The following METTL14 variants were observed in gnomAD, a reference collection of about 807,000 sequenced individuals.
The protein encoded by METTL14 is N(6)-adenosine-methyltransferase non-catalytic subunit METTL14.
METTL14 carries 32 observed loss-of-function variants against 62.4 expected under a neutral mutation model. The observed-to-expected ratio is 0.51, with a 90% CI of 0.39 to 0.69. The LOEUF (loss-of-function observed/expected upper bound fraction) is 0.69. Among genes scored for constraint, METTL14 ranks in the 30% least tolerant of loss-of-function variants. METTL14 has a pLI of 0.00. For synonymous variants in METTL14, 150 were observed against 180.0 expected (o/e 0.83, Z 1.34); for missense variants, 340 against 551.9 (o/e 0.62, Z 3.85).
rs186247158 is a variant in METTL14 at position 118,691,218 on chromosome 4, T to C, written c.244-314T>C. ...GCATAGCAGTTTCATATTGCAACAT[T>C]GGTGGTCGTATCTTTCATGACTCAA... On this transcript the variant is annotated intron_variant, in intron 3 of 10. Transcript: ENST00000388822. Among the ~76,000 whole-genome samples the C allele has an allele frequency of 1.6e-4, 25 of 152,298 alleles. No homozygotes were observed. The East Asian group carries it at 4.6e-3, about 28-fold the overall frequency.
At position 118,694,421 on chromosome 4, in the gene METTL14, A is replaced by G. The variant is rs78863179; in HGVS notation, c.413-15A>G. On this transcript the variant is annotated splice_polypyrimidine_tract_variant and intron_variant, in intron 5 of 10. Coordinates refer to ENST00000388822, the MANE Select transcript of METTL14 (RefSeq NM_020961.4). Reference sequence around the variant, plus strand: ...AGTTGAGATGAATTCAGAATTTACTATTTTTTCTGCTCAGGTTTAGCTGAC... The same window carrying G: ...AGTTGAGATGAATTCAGAATTTACTGTTTTTTCTGCTCAGGTTTAGCTGAC... 48 of 1,598,024 alleles carry G rather than the reference A, an allele frequency of 3.0e-5. No individual in the cohort carries two copies. Among genetic ancestry groups the G allele is most frequent in the Non-Finnish European group, 3.9e-5 (46 of 1,172,752 alleles).
At chr4:118,702,224 G>A (rs1210283760) in intron 8 of METTL14, among the ~76,000 whole-genome samples, 1 of 150,732 alleles carries the variant, frequency 6.6e-6, no homozygotes, top group African/African-American at 2.4e-5. Flanking sequence ...AGTTGAAGCA[G>A]TTCTCCTGCT....
chr4:118,691,878 AATTG>A (rs1724257459), intron 4 of METTL14, 99 bp from the exon 5 acceptor site: 3 of 746,838 alleles, frequency 4.0e-6, no homozygotes, highest in South Asian at 2.0e-5. Context: ...TAAATCTATC[AATTG>A]ATTGCATTTT....
In METTL14 at chr4:118,705,815, C is replaced by A; in HGVS notation, c.1060C>A (p.Arg354=). The A allele has an allele frequency of 6.2e-7, 1 of 1,612,160 alleles. No homozygotes were observed. Among genetic ancestry groups the A allele is most frequent in the South Asian group, 1.1e-5 (1 of 90,910 alleles). The change falls in exon 10 of 11, where the codon CGA becomes AGA. Residue 354 remains arginine (R), a synonymous_variant. Coordinates refer to ENST00000388822, the MANE Select transcript of METTL14 (RefSeq NM_020961.4). ...TCTATTTGGAAGAGATAGTACAATT[C>A]GACCAGGTAGGACCTCAGTTAACAA... ...LHLFGRDSTI[R]PGWLTVGPTL...
chr4:118,698,141 G>A (rs1724473541), intron 7 of METTL14, among the ~76,000 whole-genome samples: 2 of 151,962 alleles, frequency 1.3e-5, no homozygotes, highest in Admixed American at 1.3e-4. Context: ...TTGGAAGCTG[G>A]GCTAGAGTCT....
chr4:118,690,656 G>A (rs1724218136), intron 3 of METTL14, among the ~76,000 whole-genome samples: 1 of 150,580 alleles, frequency 6.6e-6, no homozygotes, highest in Admixed American at 6.6e-5. Context: ...CTCCAGCCTG[G>A]GCAACAGAGT....
chr4:118,689,506 A>G (rs763066057), intron 3 of METTL14, 49 bp downstream of exon 3: 7 of 1,075,616 alleles, frequency 6.5e-6, no homozygotes, highest in East Asian at 2.5e-5. Flanking sequence ...CATAAATCCA[A>G]ATGATAGATT....
chr4:118,710,128 G>A lies in METTL14; in HGVS notation c.1197G>A (p.Ser399=), dbSNP rs773521841. Residue 399 remains serine, a synonymous_variant, in exon 11 of 11, where the codon TCG becomes TCA. Coordinates refer to ENST00000388822, the MANE Select transcript of METTL14 (RefSeq NM_020961.4). ...TEEIERLRPK[S]PPPKSKSDRG... The stretch of plus-strand genomic sequence containing the variant: ...AAATTGAGAGACTTCGACCAAAATC[G>A]CCTCCTCCCAAATCTAAATCTGACC... 161 of 1,613,992 alleles carry A rather than the reference G, an allele frequency of 1.0e-4. 1 individual carries two copies. The highest frequency in any genetic ancestry group is 1.2e-4 in the Non-Finnish European group (146 of 1,180,036).
At chr4:118,691,026 T>A (rs1276185040) in intron 3 of METTL14, among the ~76,000 whole-genome samples, 2 of 152,204 alleles carry the variant, frequency 1.3e-5, no homozygotes, top group African/African-American at 4.8e-5. Context: ...CTCTAGAAAG[T>A]TCAGTGAAAT....
At chr4:118,688,761 C>T (rs1724153493) in intron 2 of METTL14, among the ~76,000 whole-genome samples, 1 of 152,102 alleles carries the variant, frequency 6.6e-6, no homozygotes, top group Non-Finnish European at 1.5e-5. Context: ...GCAACCTCCG[C>T]CTCCAGGGTT....
In METTL14 at chr4:118,685,577, C is replaced by T; in HGVS notation, c.43C>T (p.Arg15Trp). The T allele has an allele frequency of 6.2e-7, 1 of 1,614,048 alleles. No homozygotes were observed. The highest frequency in any genetic ancestry group is 8.5e-7 in the Non-Finnish European group (1 of 1,179,986). ...LQEIRERQKL[R>W]RQLLAQQLGA... ...GGAGATCCGGGAGCGGCAGAAGTTA[C>T]GGCGACAGCTCCTCGCGCAGCAGGT... The change falls in exon 1 of 11, where the codon CGG (arginine) becomes TGG (tryptophan). Residue 15 changes from arginine to tryptophan, a missense_variant. Transcript: ENST00000388822.
At chr4:118,708,959 A>G (rs1724841242) in intron 10 of METTL14, among the ~76,000 whole-genome samples, 1 of 152,238 alleles carries the variant, frequency 6.6e-6, no homozygotes, top group Admixed American at 6.5e-5. Context: ...CAGTTTAATC[A>G]ATCAGAAAAT....
At position 118,703,926 on chromosome 4, in the gene METTL14, T is replaced by G; in HGVS notation, c.739-9T>G. ...TAAGGATTTGTGTTTAAAATTCTTT[T>G]GTTTCTAGTGTTTACGAAAATGGGG... is the stretch of plus-strand genomic sequence containing the variant. On this transcript the variant is annotated splice_polypyrimidine_tract_variant and intron_variant, in intron 8 of 10. Transcript: ENST00000388822. 1 of 1,437,546 alleles carries G rather than the reference T, an allele frequency of 7.0e-7. No homozygotes were observed. The highest frequency in any genetic ancestry group is 9.5e-7 in the Non-Finnish European group (1 of 1,054,250). The allele number at this position is 1,437,546 out of a possible 1,614,324, so 89.0% of individuals were successfully genotyped here. A position where few individuals can be genotyped will look rare whatever the true frequency, so the allele number is the denominator to read the frequency against.
chr4:118,685,686 T>C, intron 1 of METTL14, 86 bp downstream of exon 1: 1 of 1,163,512 alleles, frequency 8.6e-7, no homozygotes. Flanking sequence ...CCTTTTTCTG[T>C]CCCTTCTCTA....
At chr4:118,706,696 A>G (rs899488602) in intron 10 of METTL14, among the ~76,000 whole-genome samples, 1 of 152,132 alleles carries the variant, frequency 6.6e-6, no homozygotes. Context: ...TTACATTTCC[A>G]CCGGCAGTGA....
intron 7 of METTL14, 94 bp downstream of exon 7, chr4:118,697,417 C>A: frequency 9.3e-7 from 1 of 1,079,634 alleles, no homozygotes; most frequent in Non-Finnish European, 1.3e-6. Flanking sequence ...ATCATCCCTA[C>A]TTTTGTAGGG....
intron 9 of METTL14, among the ~76,000 whole-genome samples, chr4:118,705,401 G>T (rs977878876): frequency 3.3e-5 from 5 of 152,172 alleles, no homozygotes; most frequent in African/African-American, 1.2e-4. Flanking sequence ...TTGAGCCCAG[G>T]AGGTCAAGGC....
At chr4:118,691,704 T>C in intron 4 of METTL14, 92 bp downstream of exon 4, 2 of 648,262 alleles carry the variant, frequency 3.1e-6, no homozygotes, top group Non-Finnish European at 5.1e-6. Flanking sequence ...TCAAGATGTT[T>C]TTTAATTATT....
At position 118,697,171 on chromosome 4, in the gene METTL14, TAATCA is replaced by T. The variant is rs781455171; in HGVS notation, c.504-7_504-3del. ...TTTAAAAACCTCATTTTTAATGCTT[TAATCA>T]AATAGGTACTTACAAGCCGATATAG... is the stretch of plus-strand genomic sequence containing the variant. On this transcript the variant is annotated splice_region_variant and splice_polypyrimidine_tract_variant and intron_variant, in intron 6 of 10. Transcript: ENST00000388822. 1 of 1,569,766 alleles carries T rather than the reference TAATCA, an allele frequency of 6.4e-7. No individual in the cohort carries two copies. The highest frequency in any genetic ancestry group is 8.6e-7 in the Non-Finnish European group (1 of 1,165,878).
Sources: allele counts gnomAD v4.1 joint callset (sites outside exome capture counted in the v4.1 genomes callset), GRCh38; gene constraint gnomAD v4.1.1; transcripts MANE v1.5; gene names NCBI Gene and HGNC (gene_info 2026-07-23, HGNC 2026-07-21).